The following MYLK4 variants were observed in gnomAD, a reference collection of about 807,000 sequenced individuals.
The protein encoded by MYLK4 is myosin light chain kinase family member 4.
In MYLK4, 46 loss-of-function variants were observed where a neutral mutation model predicts 48.1. The observed-to-expected ratio is 0.96, with a 90% CI of 0.75 to 1.22. The LOEUF is 1.22. MYLK4 is among the 50% of genes most tolerant of loss of function. MYLK4 has a pLI of 0.00. For synonymous variants in MYLK4, 170 were observed against 180.8 expected, an observed-to-expected ratio of 0.94 and a Z score of 0.48; for missense variants, 451 against 486.1, an observed-to-expected ratio of 0.93 and a Z score of 0.68.
chr6:2,700,726 A>C (rs1762253240), intron 2 of MYLK4, among the ~76,000 whole-genome samples: 1 of 152,176 alleles, frequency 6.6e-6, no homozygotes, highest in Non-Finnish European at 1.5e-5. Flanking sequence ...CAACGTTGCC[A>C]ACCATGCCTC....
At position 2,685,931 on chromosome 6, in the gene MYLK4, G is replaced by A. The variant is rs1179940016; in HGVS notation, c.342-355C>T. Among the ~76,000 whole-genome samples, 4 of 152,226 alleles carry A rather than the reference G, an allele frequency of 2.6e-5. No homozygotes were observed. Among genetic ancestry groups the A allele is most frequent in the Middle Eastern group, 3.4e-3 (1 of 294 alleles). On this transcript the variant is annotated intron_variant, in intron 4 of 12. Coordinates refer to ENST00000274643, the MANE Select transcript of MYLK4 (RefSeq NM_001012418.5). This position sits in a 1 kb window ranked among gnomAD's most constrained non-coding sequence, Gnocchi z 4.5. ...CAAATACAAAAAATTAGCCAGATGTGATGGCATGTGTCTGTAGTCCCAGCT... is the reference window on the plus strand; with the variant it reads ...CAAATACAAAAAATTAGCCAGATGTAATGGCATGTGTCTGTAGTCCCAGCT...
chr6:2,674,812 A>T (rs1051716632), intron 11 of MYLK4, among the ~76,000 whole-genome samples: 1 of 152,358 alleles, frequency 6.6e-6, no homozygotes, highest in African/African-American at 2.4e-5. Flanking sequence ...TGGACGTTGC[A>T]GTGAGCTGAG....
intron 2 of MYLK4, among the ~76,000 whole-genome samples, chr6:2,695,268 A>G (rs746055620): frequency 2.6e-5 from 4 of 152,240 alleles, no homozygotes; most frequent in Non-Finnish European, 4.4e-5. Context: ...TCTGTGTGGC[A>G]TGAATGCAAT....
chr6:2,688,316 C>G (rs1023228604), intron 4 of MYLK4, among the ~76,000 whole-genome samples: 1 of 152,234 alleles, frequency 6.6e-6, no homozygotes, highest in Non-Finnish European at 1.5e-5. Context: ...GCCTCAGTTT[C>G]CCAAAGTGCT....
At chr6:2,732,661 C>T (rs1763517647) in intron 2 of MYLK4, among the ~76,000 whole-genome samples, 1 of 151,990 alleles carries the variant, frequency 6.6e-6, no homozygotes, top group African/African-American at 2.4e-5. Flanking sequence ...ACCCCCGAGA[C>T]CCACTGGAGC....
At chr6:2,736,257 T>G (rs901949693) in intron 2 of MYLK4, among the ~76,000 whole-genome samples, 1 of 152,252 alleles carries the variant, frequency 6.6e-6, no homozygotes, top group African/African-American at 2.4e-5. Flanking sequence ...TTATTGCTGT[T>G]GCTGTTGTTG....
the MYLK4 span, chr6:2,770,017 G>C: frequency 2.6e-6 from 4 of 1,517,298 alleles, no homozygotes; most frequent in Non-Finnish European, 3.6e-6. Context: ...GAACTCGAAA[G>C]ATAAAAATGA....
the MYLK4 span, among the ~76,000 whole-genome samples, chr6:2,764,973 T>C: frequency 3.3e-5 from 5 of 152,182 alleles, no homozygotes; most frequent in Non-Finnish European, 5.9e-5. Flanking sequence ...TCCCTTTCGT[T>C]ACAAACGACC....
At position 2,673,206 on chromosome 6, in the gene MYLK4, G is replaced by A. The variant is rs1273470221; in HGVS notation, c.1119+1841C>T. On this transcript the variant is annotated intron_variant, in intron 11 of 12. Transcript: ENST00000274643. This position sits in a 1 kb window ranked among gnomAD's most constrained non-coding sequence, Gnocchi z 4.2. ...TCAAAGTGTATTTGGACACCAATAA[G>A]CTTGGATAAAAATACATCGGTGGAA... Among the ~76,000 whole-genome samples the A allele has an allele frequency of 2.0e-5, 3 of 152,152 alleles. No homozygotes were observed. The highest frequency in any genetic ancestry group is 6.5e-5 in the Admixed American group (1 of 15,268).
At chr6:2,742,644 C>T (rs945156929) in intron 2 of MYLK4, among the ~76,000 whole-genome samples, 3 of 148,266 alleles carry the variant, frequency 2.0e-5, no homozygotes, top group Non-Finnish European at 4.4e-5. Context: ...CGCATGTTCT[C>T]ACTCATAGAT....
chr6:2,747,381 T>C (rs1160431366), intron 2 of MYLK4, among the ~76,000 whole-genome samples: 3 of 152,176 alleles, frequency 2.0e-5, no homozygotes, highest in African/African-American at 7.2e-5. Context: ...GGTCTTCCTC[T>C]GTTGCCCACG....
At chr6:2,763,558 G>A in the MYLK4 span, among the ~76,000 whole-genome samples, 25 of 152,320 alleles carry the variant, frequency 1.6e-4, no homozygotes, top group Non-Finnish European at 3.4e-4. Context: ...AGGCCGCTCC[G>A]AGCGCGAGGC....
At chr6:2,693,164 A>G (rs1761881927) in intron 2 of MYLK4, among the ~76,000 whole-genome samples, 1 of 152,240 alleles carries the variant, frequency 6.6e-6, no homozygotes, top group African/African-American at 2.4e-5. Context: ...ATAGTAATGT[A>G]GAGGGCAGAA....
Position 2,699,292 on chromosome 6 carries a change from T to TTC in MYLK4, c.160-6434_160-6433insGA, listed in dbSNP as rs1383668200. Reference sequence around the variant, plus strand: ...TACCACTTTTCTTTTCTTTTCTTTTTTTTTTTTTTTTTTTTTTGATATGGA... The same window carrying TTC: ...TACCACTTTTCTTTTCTTTTCTTTTTTCTTTTTTTTTTTTTTTTTGATATGGA... On this transcript the variant is annotated intron_variant, in intron 2 of 12. Coordinates refer to ENST00000274643, the MANE Select transcript of MYLK4 (RefSeq NM_001012418.5). Among the ~76,000 whole-genome samples, 38 of 87,052 alleles carry TTC rather than the reference T, an allele frequency of 4.4e-4. 1 individual carries two copies. The highest frequency in any genetic ancestry group is 6.1e-4 in the Non-Finnish European group (26 of 42,532). The allele number at this position is 87,052 out of a possible 152,430, so 57.1% of individuals were successfully genotyped here.
chr6:2,728,641 G>A (rs1440352425), intron 2 of MYLK4, among the ~76,000 whole-genome samples: 1 of 152,164 alleles, frequency 6.6e-6, no homozygotes, highest in Non-Finnish European at 1.5e-5. Flanking sequence ...TCCAGCTGAG[G>A]CTGCAGCTGG....
intron 2 of MYLK4, among the ~76,000 whole-genome samples, chr6:2,707,237 A>C (rs910052146): frequency 1.3e-5 from 2 of 152,200 alleles, no homozygotes; most frequent in African/African-American, 4.8e-5. Context: ...AACTTTTTCC[A>C]ACTATTATGG....
At chr6:2,763,278 T>G in the MYLK4 span, among the ~76,000 whole-genome samples, 19 of 152,358 alleles carry the variant, frequency 1.2e-4, 1 homozygote, top group South Asian at 3.3e-3. Context: ...CTTCTCCCAT[T>G]AATTTCTGAA....
chr6:2,765,501 C>T, the MYLK4 span: 277 of 1,208,818 alleles, frequency 2.3e-4, 2 homozygotes, highest in African/African-American at 2.2e-3. Context: ...GGCCCGCGAG[C>T]GTCCTGCTGG....
At chr6:2,762,932 T>C in the MYLK4 span, among the ~76,000 whole-genome samples, 4 of 152,164 alleles carry the variant, frequency 2.6e-5, no homozygotes, top group Non-Finnish European at 4.4e-5. Flanking sequence ...TTACCACTCA[T>C]TAAGACAATT....
Sources: gnomAD v4.1 joint callset for allele counts (sites outside exome capture counted in the v4.1 genomes callset) on GRCh38, gnomAD v4.1.1 for gene constraint, Gnocchi (gnomAD v3.1) non-coding constraint, MANE v1.5 for transcripts, NCBI Gene and HGNC (gene_info 2026-07-23, HGNC 2026-07-21) for gene names.